FAM13B: variants seen among roughly 807,000 people sequenced by gnomAD.
The protein encoded by FAM13B is protein FAM13B.
In FAM13B, 60 loss-of-function variants were observed where a neutral mutation model predicts 117.3. The ratio of observed to expected loss-of-function variants is 0.51; its 90% CI spans 0.42 to 0.63. The LOEUF (loss-of-function observed/expected upper bound fraction) is 0.63. FAM13B is among the 30% of genes least tolerant of loss of function. The pLI, the probability that FAM13B is intolerant of heterozygous loss-of-function variation, is 0.00. For missense variants in FAM13B, 972 were observed against 1,091.9 expected, an observed-to-expected ratio of 0.89 and a Z score of 1.55; for synonymous variants, 332 against 356.1, an observed-to-expected ratio of 0.93 and a Z score of 0.76.
chr5:138,033,212 A>T, upstream of FAM13B: 1 of 283,078 alleles, frequency 3.5e-6, no homozygotes, highest in Non-Finnish European at 5.3e-6. Flanking sequence ...AAGCTTGAGG[A>T]CCGCGGTTCC....
chr5:137,956,493 C>G lies in FAM13B; in HGVS notation c.1491G>C (p.Leu497=). ...CATACTTACCCTCCCCATCTCTCTG[C>G]AGATGCATTGTTTTGAAATCAATGA... ...FPLIDFKTMH[L]QRDGEEPFPA... Residue 497 remains leucine, a synonymous_variant, in exon 14 of 24, where the codon CTG becomes CTC. Transcript: ENST00000689681. The G allele has an allele frequency of 1.2e-6, 2 of 1,600,520 alleles. No individual in the cohort carries two copies. The highest frequency in any genetic ancestry group is 1.7e-6 in the Non-Finnish European group (2 of 1,173,050).
In FAM13B at chr5:137,943,106, C is replaced by A. The variant is rs564239157; in HGVS notation, c.2424+27G>T. ...TGAACTCTTCCCTTAGGGAAGGGATCAGATAATTATTTCTTTAAAGGATTA... is the reference window on the plus strand; with the variant it reads ...TGAACTCTTCCCTTAGGGAAGGGATAAGATAATTATTTCTTTAAAGGATTA... On this transcript the variant is annotated intron_variant, in intron 21 of 23. Transcript: ENST00000689681. The A allele has an allele frequency of 2.5e-6, 4 of 1,612,740 alleles. No individual in the cohort carries two copies. The Admixed American group carries it at 6.7e-5, about 27-fold the overall frequency.
intron 13 of FAM13B, among the ~76,000 whole-genome samples, chr5:137,957,937 A>G (rs1046173892): frequency 1.3e-5 from 2 of 152,272 alleles, no homozygotes; most frequent in Non-Finnish European, 2.9e-5. Flanking sequence ...GACGCTAGAC[A>G]GAGAAGGTCT....
intron 7 of FAM13B, among the ~76,000 whole-genome samples, chr5:137,998,990 T>C (rs1780514292): frequency 6.6e-6 from 1 of 152,228 alleles, no homozygotes; most frequent in South Asian, 2.1e-4. Context: ...TAATGGAATC[T>C]TGCCAAGGTC....
intron 2 of FAM13B, 82 bp from the exon 3 acceptor site, chr5:138,019,228 T>C: frequency 8.3e-7 from 1 of 1,199,124 alleles, no homozygotes; most frequent in Non-Finnish European, 1.2e-6. Flanking sequence ...AAAAATGCTT[T>C]ACACCTGAAT....
At chr5:137,944,507 C>A (rs1379711287) in intron 20 of FAM13B, among the ~76,000 whole-genome samples, 1 of 152,090 alleles carries the variant, frequency 6.6e-6, no homozygotes, top group Non-Finnish European at 1.5e-5. Flanking sequence ...GTGGCTCATG[C>A]CTGTAATCCC....
At chr5:138,029,239 G>A (rs1308814910) in intron 1 of FAM13B, among the ~76,000 whole-genome samples, 1 of 152,178 alleles carries the variant, frequency 6.6e-6, no homozygotes, top group Non-Finnish European at 1.5e-5. Context: ...CTGGTTCAAA[G>A]TTACTGAATT....
intron 10 of FAM13B, among the ~76,000 whole-genome samples, chr5:137,968,938 G>A (rs181628703): frequency 5.9e-5 from 9 of 152,302 alleles, no homozygotes; most frequent in East Asian, 5.8e-4. Context: ...ATTATATCCC[G>A]CACCTGGCTT....
Position 137,946,305 on chromosome 5 carries a change from T to C in FAM13B, c.2167A>G (p.Thr723Ala). Residue 723 changes from threonine (T) to alanine (A), a missense_variant, in exon 19 of 24, where the codon ACC (threonine) becomes GCC (alanine). Coordinates refer to ENST00000689681, the MANE Select transcript of FAM13B (RefSeq NM_001385994.1). Reference protein sequence around the residue: ...RCLPEDIKKMTKDHLVEEKAS... With the variant: ...RCLPEDIKKMAKDHLVEEKAS... ...TTCTCTTCTACCAAATGATCTTTGG[T>C]CATTTTCTGGAATTAAACAAAAAAA... 1 of 1,550,560 alleles carries C rather than the reference T, an allele frequency of 6.4e-7. No homozygotes were observed. The highest frequency in any genetic ancestry group is 8.7e-7 in the Non-Finnish European group (1 of 1,155,328).
chr5:138,047,377 A>G (rs2151131905), intron 1 of FAM13B, among the ~76,000 whole-genome samples: 1 of 151,792 alleles, frequency 6.6e-6, no homozygotes, highest in East Asian at 2.0e-4. Context: ...GTGGTAGCAC[A>G]CGCCTGTAGT....
chr5:138,016,356 CA>C (rs2150950389), intron 4 of FAM13B, among the ~76,000 whole-genome samples: 1 of 152,260 alleles, frequency 6.6e-6, no homozygotes, highest in South Asian at 2.1e-4. Flanking sequence ...CCTATAATCC[CA>C]GTGCTTTGGG....
At chr5:138,027,607 A>T (rs1408861797) in intron 1 of FAM13B, among the ~76,000 whole-genome samples, 1 of 152,236 alleles carries the variant, frequency 6.6e-6, no homozygotes, top group Non-Finnish European at 1.5e-5. Context: ...GAAACTGACC[A>T]AAGCATAATT....
chr5:138,047,551 T>C (rs1321007781), intron 1 of FAM13B, among the ~76,000 whole-genome samples: 3 of 151,926 alleles, frequency 2.0e-5, no homozygotes, highest in African/African-American at 7.3e-5. Flanking sequence ...CTAGAACCTG[T>C]GAATATGTTA....
chr5:138,014,342 CT>C (rs1730555810), intron 4 of FAM13B, among the ~76,000 whole-genome samples: 1 of 152,224 alleles, frequency 6.6e-6, no homozygotes, highest in East Asian at 1.9e-4. Context: ...CTGTTAGGAA[CT>C]GGGCCATACA....
At chr5:137,969,109 C>A (rs896305560) in intron 10 of FAM13B, among the ~76,000 whole-genome samples, 1 of 152,266 alleles carries the variant, frequency 6.6e-6, no homozygotes, top group African/African-American at 2.4e-5. Context: ...GAGCCCACCA[C>A]AGCTCAAGGA....
intron 16 of FAM13B, 79 bp from the exon 17 acceptor site, chr5:137,952,788 C>A: frequency 1.2e-6 from 1 of 829,706 alleles, no homozygotes. Flanking sequence ...TAGTATTTTA[C>A]AATTCCCACA....
chr5:138,015,418 T>C (rs2150941470), intron 4 of FAM13B, among the ~76,000 whole-genome samples: 1 of 152,378 alleles, frequency 6.6e-6, no homozygotes, highest in African/African-American at 2.4e-5. Flanking sequence ...ATTATTTATC[T>C]ACAGCTGGGT....
intron 5 of FAM13B, 42 bp downstream of exon 5, chr5:138,011,726 C>G (rs370538854): frequency 1.7e-5 from 25 of 1,495,690 alleles, no homozygotes; most frequent in East Asian, 7.3e-5. Flanking sequence ...CCTCACATAT[C>G]TAATTTTTAA....
chr5:137,940,328 C>T lies in FAM13B; in HGVS notation c.2711G>A (p.Arg904His), dbSNP rs750549898. The T allele has an allele frequency of 8.7e-6, 14 of 1,605,254 alleles. No individual in the cohort carries two copies. In the East Asian group the frequency reaches 1.8e-4, roughly 20 times the overall value. The change falls in exon 24 of 24, where the codon CGT (arginine) becomes CAT (histidine). Residue 904 changes from arginine to histidine, a missense_variant. Coordinates refer to ENST00000689681, the MANE Select transcript of FAM13B (RefSeq NM_001385994.1). ...TCTGTACTCCTCAAGCACTGGAACA[C>T]GATCCTCTTTCTGGGCATTCCTAGG... ...QNGRNAQKED[R>H]VPVLEEYREY...
Sources: allele counts gnomAD v4.1 joint callset (sites outside exome capture counted in the v4.1 genomes callset), GRCh38; gene constraint gnomAD v4.1.1; transcripts MANE v1.5; gene names NCBI Gene and HGNC (gene_info 2026-07-23, HGNC 2026-07-21).